Variants in DNAL1 observed in about 807,000 individuals in gnomAD.
DNAL1 encodes chromosome 14 open reading frame 168.
Under a neutral mutation model 29.4 loss-of-function variants are expected in DNAL1, and 17 were observed. The observed-to-expected ratio is 0.58, with a 90% CI of 0.40 to 0.87. The LOEUF (loss-of-function observed/expected upper bound fraction) is 0.87, where lower values mean the gene tolerates loss of function less well. Among genes scored for constraint, DNAL1 ranks in the 40% least tolerant of loss-of-function variants. DNAL1 has a pLI of 0.00. For missense variants in DNAL1, 188 were observed against 214.1 expected (o/e 0.88, Z 0.76); for synonymous variants, 78 against 76.3 (o/e 1.02, Z -0.12).
At chr14:73,692,175 C>T (rs1247590593) in intron 7 of DNAL1, among the ~76,000 whole-genome samples, 2 of 151,922 alleles carry the variant, frequency 1.3e-5, no homozygotes, top group Non-Finnish European at 2.9e-5. Context: ...AGAAAGCGAA[C>T]CTCTTCCCTT....
At chr14:73,664,602 C>T (rs2140036273) in intron 4 of DNAL1, among the ~76,000 whole-genome samples, 1 of 152,286 alleles carries the variant, frequency 6.6e-6, no homozygotes, top group East Asian at 1.9e-4. Flanking sequence ...GGTACCATGG[C>T]TCATGCCTAT....
intron 3 of DNAL1, chr14:73,659,772 GT>G (rs1296619683): frequency 4.6e-5 from 7 of 151,764 alleles, no homozygotes; most frequent in Admixed American, 4.6e-4. Context: ...TAAAAAAAAA[GT>G]TTAAAATTAT....
chr14:73,659,607 G>A (rs1045408079), intron 3 of DNAL1: 3 of 151,852 alleles, frequency 2.0e-5, no homozygotes, highest in African/African-American at 7.3e-5. Context: ...CCTTGTGCAG[G>A]GGCCATGCTA....
chr14:73,688,440 AT>A (rs1187917365), intron 6 of DNAL1, among the ~76,000 whole-genome samples: 2 of 151,560 alleles, frequency 1.3e-5, no homozygotes, highest in African/African-American at 2.4e-5. Flanking sequence ...CAAAACCCAA[AT>A]TTTTTTTTGT....
intron 1 of DNAL1, among the ~76,000 whole-genome samples, chr14:73,647,364 CAAAAAAAA>C (rs199974495): frequency 0.011 from 985 of 92,760 alleles, 19 homozygotes; most frequent in African/African-American, 0.044. Context: ...GACTCTGTCT[CAAAAAAAA>C]AAAAAAAAAG....
intron 5 of DNAL1, among the ~76,000 whole-genome samples, chr14:73,680,572 CAT>C (rs1437635499): frequency 1.3e-5 from 2 of 152,090 alleles, no homozygotes; most frequent in Admixed American, 6.6e-5. Flanking sequence ...TGTTTTGATA[CAT>C]ATATATACGT....
At chr14:73,670,104 A>C (rs1049596338) in intron 4 of DNAL1, among the ~76,000 whole-genome samples, 1 of 152,210 alleles carries the variant, frequency 6.6e-6, no homozygotes, top group East Asian at 1.9e-4. Context: ...TAAGATAGAA[A>C]TTATATTTCC....
At chr14:73,662,587 A>C (rs562637137) in intron 4 of DNAL1, among the ~76,000 whole-genome samples, 84 of 152,154 alleles carry the variant, frequency 5.5e-4, no homozygotes, top group African/African-American at 2.0e-3. Context: ...GCTGGAGGAG[A>C]ATCTTTTTCT....
rs1892459401 is a variant in DNAL1, at chr14:73,702,392, C to G, written c.*6450C>G. On this transcript the variant is annotated 3_prime_UTR_variant, in exon 8 of 8. Coordinates refer to ENST00000553645, the MANE Select transcript of DNAL1 (RefSeq NM_031427.4). Reference sequence around the variant, plus strand: ...TGACCTCGTGATCTGCCCGCCACAGCCTCCCAAAGAGCTAGGATTACAGGC... The same window carrying G: ...TGACCTCGTGATCTGCCCGCCACAGGCTCCCAAAGAGCTAGGATTACAGGC... 1 of 152,296 alleles carries G rather than the reference C, an allele frequency of 6.6e-6. No individual in the cohort carries two copies. The highest frequency in any genetic ancestry group is 2.4e-5 in the African/African-American group (1 of 41,570). The allele number at this position is 152,296 out of a possible 1,614,324, so 9.4% of individuals were successfully genotyped here. A position where few individuals can be genotyped will look rare whatever the true frequency, so the allele number is the denominator to read the frequency against.
intron 1 of DNAL1, chr14:73,653,084 G>C (rs1393868565): frequency 6.6e-6 from 1 of 152,154 alleles, no homozygotes; most frequent in Non-Finnish European, 1.5e-5. Context: ...GAGTTTTATA[G>C]CAAAAGTTCC....
At chr14:73,685,092 C>T (rs986872253) in intron 5 of DNAL1, among the ~76,000 whole-genome samples, 4 of 152,254 alleles carry the variant, frequency 2.6e-5, no homozygotes, top group Admixed American at 1.3e-4. Flanking sequence ...CCAACTTCCT[C>T]ATTTTTTCCA....
At chr14:73,688,903 T>C (rs1892088035) in intron 6 of DNAL1, among the ~76,000 whole-genome samples, 1 of 152,196 alleles carries the variant, frequency 6.6e-6, no homozygotes, top group Non-Finnish European at 1.5e-5. Flanking sequence ...AGAATGACTT[T>C]ATATGGTATA....
At chr14:73,645,074 T>C (rs745929634) in intron 1 of DNAL1, 32 bp downstream of exon 1, 52 of 1,604,328 alleles carry the variant, frequency 3.2e-5, no homozygotes, top group Non-Finnish European at 4.3e-5. Context: ...TAGCCAAAGC[T>C]GAGAGAAGAT....
Position 73,671,609 on chromosome 14 carries a change from TTTA to T in DNAL1, c.264+21_264+23del, listed in dbSNP as rs775440642. The T allele has an allele frequency of 3.0e-5, 43 of 1,434,004 alleles. No homozygotes were observed. Among genetic ancestry groups the T allele is most frequent in the Middle Eastern group, 1.8e-4 (1 of 5,414 alleles). 88.8% of individuals were successfully genotyped at this position (1,434,004 alleles called of 1,614,324 possible). A position where few individuals can be genotyped will look rare whatever the true frequency, so the allele number is the denominator to read the frequency against. ...ACTTAAATGGACTGGTAGGTTGTTA[TTTA>T]TTATTATTTTATTTATTTAATTTGC... On this transcript the variant is annotated intron_variant, in intron 5 of 7. Coordinates refer to ENST00000553645, the MANE Select transcript of DNAL1 (RefSeq NM_031427.4).
Position 73,658,872 on chromosome 14 carries a change from C to T in DNAL1, c.68C>T (p.Ser23Phe). The change falls in exon 3 of 8, where the codon TCT becomes TTT. Residue 23 changes from serine to phenylalanine, a missense_variant. Transcript: ENST00000553645. ...RWEEKTGQRPSEAKEIKLYAQ... is the reference protein window; with the variant it reads ...RWEEKTGQRPFEAKEIKLYAQ... ...GAAGAGAAAACTGGCCAGAGGCCAT[C>T]TGAAGCCAAAGAGATAAAACTTTAT... 1 of 1,603,786 alleles carries T rather than the reference C, an allele frequency of 6.2e-7. No individual in the cohort carries two copies. The highest frequency in any genetic ancestry group is 8.5e-7 in the Non-Finnish European group (1 of 1,174,698).
At chr14:73,685,455 G>A (rs1891998253) in intron 5 of DNAL1, among the ~76,000 whole-genome samples, 1 of 148,718 alleles carries the variant, frequency 6.7e-6, no homozygotes, top group Non-Finnish European at 1.5e-5. Flanking sequence ...TTTCCTTTCT[G>A]CTTAATTTTT....
chr14:73,675,878 G>C (rs1482062436), intron 5 of DNAL1, among the ~76,000 whole-genome samples: 1 of 151,922 alleles, frequency 6.6e-6, no homozygotes, highest in Non-Finnish European at 1.5e-5. Flanking sequence ...AGCCAGGCCT[G>C]GTGGCGCGTG....
intron 5 of DNAL1, among the ~76,000 whole-genome samples, chr14:73,687,033 C>A (rs1595223909): frequency 1.4e-5 from 2 of 142,632 alleles, no homozygotes. Context: ...TTTAGTGGAG[C>A]AGTCAGAGAA....
intron 2 of DNAL1, among the ~76,000 whole-genome samples, chr14:73,656,733 T>G (rs1891224678): frequency 6.6e-6 from 1 of 151,572 alleles, no homozygotes; most frequent in South Asian, 2.1e-4. Context: ...GCCCATGCAT[T>G]TTTGACTTTA....
Sources: allele counts gnomAD v4.1 joint callset (sites outside exome capture counted in the v4.1 genomes callset), GRCh38; gene constraint gnomAD v4.1.1; transcripts MANE v1.5; gene names NCBI Gene and HGNC (gene_info 2026-07-23, HGNC 2026-07-21).